Variants in KIRREL3 observed in about 807,000 individuals in gnomAD.
KIRREL3 encodes the protein kirre like nephrin family adhesion molecule 3.
KIRREL3 carries 36 observed loss-of-function variants against 89.7 expected under a neutral mutation model. That is an observed-to-expected ratio of 0.40 (90% CI 0.31 to 0.53). The LOEUF is 0.53. Among genes scored for constraint, KIRREL3 ranks in the 20% least tolerant of loss-of-function variants. The pLI is 0.49. For missense variants in KIRREL3, 864 were observed against 1,056.6 expected (o/e 0.82, Z 2.53); for synonymous variants, 445 against 441.4 (o/e 1.01, Z -0.10).
chr11:126,863,294 C>T (rs905096713), intron 1 of KIRREL3, among the ~76,000 whole-genome samples: 5 of 150,930 alleles, frequency 3.3e-5, no homozygotes, highest in African/African-American at 9.7e-5. Context: ...GAAAAGACAG[C>T]ACAGGCCAAG....
At chr11:126,899,396 T>C (rs1946285066) in intron 1 of KIRREL3, among the ~76,000 whole-genome samples, 1 of 152,142 alleles carries the variant, frequency 6.6e-6, no homozygotes. Context: ...TCTCTGATAA[T>C]AGCCGTAAAA....
At chr11:126,937,124 C>G (rs1395003834) in intron 1 of KIRREL3, 1 of 152,066 alleles carries the variant, frequency 6.6e-6, no homozygotes, top group East Asian at 1.9e-4. Flanking sequence ...ACAATTGAAG[C>G]CACCAAGTTC....
At chr11:126,894,761 T>C (rs539895987) in intron 1 of KIRREL3, among the ~76,000 whole-genome samples, 5 of 151,290 alleles carry the variant, frequency 3.3e-5, no homozygotes, top group African/African-American at 9.7e-5. Flanking sequence ...AATCAATCAA[T>C]TGATCAATCG....
At chr11:126,625,761 C>G (rs1019751487) in intron 1 of KIRREL3, among the ~76,000 whole-genome samples, 43 of 152,270 alleles carry the variant, frequency 2.8e-4, no homozygotes, top group African/African-American at 8.9e-4. Flanking sequence ...CCCAGAAAAC[C>G]TCAGCCCATT....
In KIRREL3 at chr11:126,715,806, G is replaced by A. The variant is rs945363605; in HGVS notation, c.56-152894C>T. Reference sequence around the variant, plus strand: ...TTCAAACACCATCCACGATGAACACGGTTGCAGAGAGGCCAGTGTTCCACC... The same window carrying A: ...TTCAAACACCATCCACGATGAACACAGTTGCAGAGAGGCCAGTGTTCCACC... On this transcript the variant is annotated intron_variant, in intron 1 of 16. Transcript: ENST00000525144. This position sits in a 1 kb window ranked among gnomAD's most constrained non-coding sequence, Gnocchi z 4.4. Among the ~76,000 whole-genome samples, 2 of 152,202 alleles carry A rather than the reference G, an allele frequency of 1.3e-5. No individual in the cohort carries two copies. Among genetic ancestry groups the A allele is most frequent in the Non-Finnish European group, 2.9e-5 (2 of 68,032 alleles).
chr11:126,863,415 G>GTGTGTT (rs1565362734), intron 1 of KIRREL3, among the ~76,000 whole-genome samples: 14 of 39,570 alleles, frequency 3.5e-4, no homozygotes, highest in Admixed American at 1.1e-3. Context: ...GAGTGCGTGT[G>GTGTGTT]TGAGCGCATG....
rs1156751730 is a variant in KIRREL3 at position 126,926,090 on chromosome 11, A to G, written c.55+74365T>C. ...CCTCGAACCCCTTACCCACACAATCACTTTGGGCCTCAGCCCATCGCTCCA... is the reference window on the plus strand; with the variant it reads ...CCTCGAACCCCTTACCCACACAATCGCTTTGGGCCTCAGCCCATCGCTCCA... On this transcript the variant is annotated intron_variant, in intron 1 of 16. Coordinates refer to ENST00000525144, the MANE Select transcript of KIRREL3 (RefSeq NM_032531.4). Among the ~76,000 whole-genome samples, 3 of 152,014 alleles carry G rather than the reference A, an allele frequency of 2.0e-5. No homozygotes were observed. In the East Asian group the frequency reaches 5.8e-4, roughly 29 times the overall value.
Position 126,696,728 on chromosome 11 carries a change from C to T in KIRREL3, c.56-133816G>A, listed in dbSNP as rs145856214. On this transcript the variant is annotated intron_variant, in intron 1 of 16. Transcript: ENST00000525144. The surrounding 1 kb of genome is among the most constrained non-coding windows in gnomAD (Gnocchi z 4.4). ...GGCTCCCTCTCTCCCAAAGCCACAC[C>T]GTCTTCCTGCAGGCACCGCCAGTGG... is the stretch of plus-strand genomic sequence containing the variant. Among the ~76,000 whole-genome samples the T allele has an allele frequency of 4.1e-3, 629 of 152,250 alleles. 4 individuals are homozygous for T. Among genetic ancestry groups the T allele is most frequent in the African/African-American group, 0.015 (604 of 41,550 alleles).
rs79697084 is a variant in KIRREL3 at position 126,983,100 on chromosome 11, A to C, written c.55+17355T>G. ...TTATAATAACCATTTTGTACTAAGC[A>C]CCTATTATTTGATAATCCCCATAGA... On this transcript the variant is annotated intron_variant, in intron 1 of 16. Coordinates refer to ENST00000525144, the MANE Select transcript of KIRREL3 (RefSeq NM_032531.4). The surrounding 1 kb of genome is among the most constrained non-coding windows in gnomAD (Gnocchi z 4.9). 3.6e-3 allele frequency among the ~76,000 whole-genome samples: 549 copies of C among 152,240 alleles called. 1 individual carries two copies. Among genetic ancestry groups the C allele is most frequent in the African/African-American group, 0.012 (510 of 41,540 alleles).
chr11:126,511,134 C>T (rs1038041818), intron 4 of KIRREL3, among the ~76,000 whole-genome samples: 1 of 151,742 alleles, frequency 6.6e-6, no homozygotes, highest in African/African-American at 2.4e-5. Flanking sequence ...GCAGGGATGT[C>T]ACCAGGTATG....
chr11:126,597,687 G>T (rs929977365), intron 1 of KIRREL3, among the ~76,000 whole-genome samples: 14 of 152,170 alleles, frequency 9.2e-5, no homozygotes, highest in Non-Finnish European at 1.8e-4. Context: ...GGAGCCTCTT[G>T]TTTGCTGTGC....
rs113904001 is a variant in KIRREL3 at position 126,629,458 on chromosome 11, C to A, written c.56-66546G>T. Among the ~76,000 whole-genome samples, 1,138 of 152,306 alleles carry A rather than the reference C, an allele frequency of 7.5e-3. 9 individuals carry two copies. The highest frequency in any genetic ancestry group is 0.031 in the Middle Eastern group (9 of 294). On this transcript the variant is annotated intron_variant, in intron 1 of 16. Transcript: ENST00000525144. ...TTATGGGGCCTCTCACGATACTTTTCTCTCCAAATGGCTAAATGGAGTGTG... is the reference window on the plus strand; with the variant it reads ...TTATGGGGCCTCTCACGATACTTTTATCTCCAAATGGCTAAATGGAGTGTG...
intron 2 of KIRREL3, among the ~76,000 whole-genome samples, chr11:126,538,878 T>C (rs1030573856): frequency 6.6e-6 from 1 of 151,994 alleles, no homozygotes; most frequent in Non-Finnish European, 1.5e-5. Flanking sequence ...AATAAAAAGC[T>C]CTACACCATA....
At chr11:126,660,695 A>G (rs1945358854) in intron 1 of KIRREL3, among the ~76,000 whole-genome samples, 1 of 152,212 alleles carries the variant, frequency 6.6e-6, no homozygotes, top group African/African-American at 2.4e-5. Flanking sequence ...CTTGTTCAGC[A>G]TGTCACATTG....
At chr11:126,437,873 C>A (rs1202497669) in intron 11 of KIRREL3, among the ~76,000 whole-genome samples, 3 of 152,142 alleles carry the variant, frequency 2.0e-5, no homozygotes, top group African/African-American at 7.2e-5. Flanking sequence ...CTTACAGGTA[C>A]ACACACTATG....
At position 126,985,006 on chromosome 11, in the gene KIRREL3, A is replaced by G. The variant is rs1949821632; in HGVS notation, c.55+15449T>C. The stretch of plus-strand genomic sequence containing the variant: ...TTCCTTACTTTTTAAAGGCAGGATA[A>G]GAGTTGATTCAGGGAGGAAGACCAT... On this transcript the variant is annotated intron_variant, in intron 1 of 16. Coordinates refer to ENST00000525144, the MANE Select transcript of KIRREL3 (RefSeq NM_032531.4). This position sits in a 1 kb window ranked among gnomAD's most constrained non-coding sequence, Gnocchi z 5.3. Among the ~76,000 whole-genome samples the G allele has an allele frequency of 6.6e-6, 1 of 152,200 alleles. No individual in the cohort carries two copies. Among genetic ancestry groups the G allele is most frequent in the African/African-American group, 2.4e-5 (1 of 41,444 alleles).
rs1009589396 is a variant in KIRREL3 at position 126,709,733 on chromosome 11, T to G, written c.56-146821A>C. 6.6e-6 allele frequency among the ~76,000 whole-genome samples: 1 copy of G among 152,136 alleles called. No individual in the cohort carries two copies. The highest frequency in any genetic ancestry group is 1.5e-5 in the Non-Finnish European group (1 of 68,028). Reference sequence around the variant, plus strand: ...AACCAACCCTGTAGACACCTCCATCTCAGACCTCCTGCCTGCAGAATTGTG... The same window carrying G: ...AACCAACCCTGTAGACACCTCCATCGCAGACCTCCTGCCTGCAGAATTGTG... On this transcript the variant is annotated intron_variant, in intron 1 of 16. Coordinates refer to ENST00000525144, the MANE Select transcript of KIRREL3 (RefSeq NM_032531.4). This position sits in a 1 kb window ranked among gnomAD's most constrained non-coding sequence, Gnocchi z 4.0.
intron 1 of KIRREL3, among the ~76,000 whole-genome samples, chr11:126,850,755 G>GA (rs1944312917): frequency 1.3e-5 from 2 of 152,170 alleles, no homozygotes; most frequent in Non-Finnish European, 2.9e-5. Flanking sequence ...TGTCAGACTT[G>GA]GGAGCCTCAT....
chr11:126,726,969 C>T (rs1423144146), intron 1 of KIRREL3, among the ~76,000 whole-genome samples: 1 of 152,244 alleles, frequency 6.6e-6, no homozygotes, highest in African/African-American at 2.4e-5. Flanking sequence ...CTGCTTCTTT[C>T]TCTGAGCCGC....
Sources: allele counts gnomAD v4.1 joint callset (sites outside exome capture counted in the v4.1 genomes callset), GRCh38; gene constraint gnomAD v4.1.1; non-coding constraint Gnocchi (gnomAD v3.1); transcripts MANE v1.5; gene names NCBI Gene and HGNC (gene_info 2026-07-23, HGNC 2026-07-21).